NANOS3: variants seen among roughly 807,000 people sequenced by gnomAD.
NANOS3 encodes the protein nanos homolog 3.
A neutral mutation model predicts 13.8 loss-of-function variants in NANOS3; 11 were observed. The observed-to-expected ratio is 0.80, with a 90% confidence interval of 0.50 to 1.32. The LOEUF is 1.32. NANOS3 is among the 40% of genes most tolerant of loss of function. NANOS3 has a pLI of 0.00. For missense variants in NANOS3, 221 were observed against 263.8 expected (o/e 0.84, Z 1.12); for synonymous variants, 119 against 115.4 (o/e 1.03, Z -0.20).
intron 1 of NANOS3, among the ~76,000 whole-genome samples, chr19:13,866,445 C>T (rs1172807454): frequency 3.3e-5 from 5 of 152,058 alleles, no homozygotes; most frequent in East Asian, 1.9e-4. Context: ...CTGATGGAGA[C>T]CCCCAAAATT....
intron 1 of NANOS3, among the ~76,000 whole-genome samples, chr19:13,880,129 G>GGGAAGATGGT (rs1269637164): frequency 6.6e-6 from 1 of 152,248 alleles, no homozygotes; most frequent in Non-Finnish European, 1.5e-5. Flanking sequence ...AAAGGACATA[G>GGGAAGATGGT]GGAAGATGGT....
chr19:13,873,250 G>T (rs1431343779), upstream of NANOS3, among the ~76,000 whole-genome samples: 1 of 149,244 alleles, frequency 6.7e-6, no homozygotes, highest in African/African-American at 2.5e-5. Flanking sequence ...GCCTTGGCTG[G>T]TGGCTCCAGA....
Position 13,880,576 on chromosome 19 carries a change from GC to G in NANOS3, c.*78del. ...CAGGAAGACCCACCCTATGACGACT[GC>G]CCCCACTCCCAGACCCTCCCCCCAG... On this transcript the variant is annotated 3_prime_UTR_variant, in exon 2 of 2. Transcript: ENST00000339133. The G allele has an allele frequency of 1.5e-6, 2 of 1,308,270 alleles. No homozygotes were observed. Among genetic ancestry groups the G allele is most frequent in the Non-Finnish European group, 2.2e-6 (2 of 906,322 alleles). 81.0% of individuals were successfully genotyped at this position (1,308,270 alleles called of 1,614,324 possible).
chr19:13,877,427 C>T lies in NANOS3; in HGVS notation c.179C>T (p.Pro60Leu). ...PAPESVPVPGPKDQKRSLESS... is the reference protein window; with the variant it reads ...PAPESVPVPGLKDQKRSLESS... Reference sequence around the variant, plus strand: ...CCGGAGTCGGTGCCAGTGCCGGGACCCAAGGATCAGAAGCGCAGCCTGGAG... The same window carrying T: ...CCGGAGTCGGTGCCAGTGCCGGGACTCAAGGATCAGAAGCGCAGCCTGGAG... Residue 60 changes from proline to leucine, a missense_variant, in exon 1 of 2, where the codon CCC (proline) becomes CTC (leucine). Pro to Leu is a moderately conservative substitution (Grantham distance 98, BLOSUM62 -3). This residue lies in a region of NANOS3 where 112 missense variants were observed against 116.3 expected (regional missense o/e 0.96). Coordinates refer to ENST00000339133, the MANE Select transcript of NANOS3 (RefSeq NM_001098622.3). The T allele has an allele frequency of 4.3e-6, 7 of 1,612,318 alleles. No homozygotes were observed. Among genetic ancestry groups the T allele is most frequent in the Non-Finnish European group, 3.4e-6 (4 of 1,179,974 alleles).
At chr19:13,876,901 C>T (rs190290976), upstream of NANOS3, among the ~76,000 whole-genome samples, 124 of 152,244 alleles carry the variant, frequency 8.1e-4, no homozygotes, top group Non-Finnish European at 2.9e-4. Context: ...GCAGGGTAGC[C>T]CCCCAATTCC....
At chr19:13,879,858 C>G (rs1490498066) in intron 1 of NANOS3, among the ~76,000 whole-genome samples, 1 of 152,138 alleles carries the variant, frequency 6.6e-6, no homozygotes, top group Non-Finnish European at 1.5e-5. Context: ...AACCCCGTCT[C>G]TACTGAAAAT....
chr19:13,877,928 G>C (rs1278839351), intron 1 of NANOS3, among the ~76,000 whole-genome samples, 163 bp downstream of exon 1: 1 of 152,200 alleles, frequency 6.6e-6, no homozygotes, highest in Non-Finnish European at 1.5e-5. Flanking sequence ...TATTTATCTT[G>C]AGACAGGTCT....
chr19:13,877,822 G>A, intron 1 of NANOS3, 57 bp downstream of exon 1: 1 of 1,502,816 alleles, frequency 6.7e-7, no homozygotes, highest in East Asian at 2.5e-5. Context: ...GAGCCCCCCT[G>A]TGAAGTAAGA....
upstream of NANOS3, among the ~76,000 whole-genome samples, chr19:13,873,019 G>A (rs1176600018): frequency 6.6e-6 from 1 of 151,808 alleles, no homozygotes; most frequent in African/African-American, 2.4e-5. Context: ...TGGGGGGTTG[G>A]GCTTCGTGGG....
At chr19:13,862,758 C>G (rs183029037), upstream of NANOS3, among the ~76,000 whole-genome samples, 294 of 152,184 alleles carry the variant, frequency 1.9e-3, 1 homozygote, top group African/African-American at 6.7e-3. Context: ...AGGCTGGTCT[C>G]GAACTCCTGA....
At chr19:13,880,391 C>T (rs1319486506) in intron 1 of NANOS3, 51 bp from the exon 2 acceptor site, 4 of 1,563,428 alleles carry the variant, frequency 2.6e-6, no homozygotes, top group African/African-American at 1.4e-5. Context: ...ACTTGGGGAG[C>T]GTTGAGTCAT....
At chr19:13,863,270 C>T (rs1427899223), upstream of NANOS3, among the ~76,000 whole-genome samples, 1 of 152,150 alleles carries the variant, frequency 6.6e-6, no homozygotes, top group Non-Finnish European at 1.5e-5. Context: ...AGTACAGTGG[C>T]ACCATCATAG....
At chr19:13,875,573 G>A (rs539021997), upstream of NANOS3, among the ~76,000 whole-genome samples, 4 of 151,656 alleles carry the variant, frequency 2.6e-5, no homozygotes, top group African/African-American at 4.8e-5. Flanking sequence ...ACAGGATCTC[G>A]CTCTTGTCAC....
At chr19:13,863,604 C>A (rs939772629), upstream of NANOS3, among the ~76,000 whole-genome samples, 4 of 152,228 alleles carry the variant, frequency 2.6e-5, no homozygotes, top group East Asian at 1.9e-4. Flanking sequence ...CTGGCCCCCC[C>A]CAACCCCATG....
chr19:13,874,991 C>T (rs377441973), upstream of NANOS3: 18 of 517,230 alleles, frequency 3.5e-5, no homozygotes, highest in Middle Eastern at 3.3e-4. Flanking sequence ...GGGCCAGACA[C>T]GGCTTAAGGG....
chr19:13,875,138 A>C (rs560785143), upstream of NANOS3: 333 of 329,658 alleles, frequency 1.0e-3, 1 homozygote, highest in Non-Finnish European at 1.6e-3. Flanking sequence ...TTGGGACTAA[A>C]TATTAGAGGG....
At chr19:13,863,922 C>T (rs1321421038), upstream of NANOS3, among the ~76,000 whole-genome samples, 3 of 151,954 alleles carry the variant, frequency 2.0e-5, no homozygotes, top group Non-Finnish European at 4.4e-5. Flanking sequence ...GGTGCGCGAT[C>T]AGGTGGGGAA....
upstream of NANOS3, among the ~76,000 whole-genome samples, chr19:13,876,565 TGGAG>T (rs1324888349): frequency 2.0e-5 from 3 of 152,100 alleles, no homozygotes; most frequent in Non-Finnish European, 2.9e-5. Flanking sequence ...TGAAAACTCT[TGGAG>T]GGAGACCAGA....
At chr19:13,873,009 TG>T (rs1467663644), upstream of NANOS3, among the ~76,000 whole-genome samples, 8 of 34,398 alleles carry the variant, frequency 2.3e-4, no homozygotes, top group Admixed American at 1.3e-3. Context: ...CGGACCTTAG[TG>T]GGGGGTTGGG....
Sources: allele counts gnomAD v4.1 joint callset (sites outside exome capture counted in the v4.1 genomes callset), GRCh38; gene constraint gnomAD v4.1.1; regional missense constraint gnomAD v4.1.1; transcripts MANE v1.5; gene names NCBI Gene and HGNC (gene_info 2026-07-23, HGNC 2026-07-21).